Variants in GSG1L observed in about 807,000 individuals in gnomAD.
GSG1L encodes germ cell-specific gene 1-like protein.
Under a neutral mutation model 42.1 loss-of-function variants are expected in GSG1L, and 24 were observed. That is an observed-to-expected ratio of 0.57 (90% confidence interval 0.41 to 0.80). The LOEUF (loss-of-function observed/expected upper bound fraction) is 0.80, where lower values mean the gene tolerates loss of function less well. Among genes scored for constraint, GSG1L ranks in the 30% least tolerant of loss-of-function variants. The pLI is 0.00. For synonymous variants in GSG1L, 215 were observed against 203.5 expected, an observed-to-expected ratio of 1.06 and a Z score of -0.48; for missense variants, 445 against 472.2, an observed-to-expected ratio of 0.94 and a Z score of 0.53.
At chr16:27,927,153 C>T (rs910064459) in intron 2 of GSG1L, among the ~76,000 whole-genome samples, 1 of 151,972 alleles carries the variant, frequency 6.6e-6, no homozygotes, top group Non-Finnish European at 1.5e-5. Flanking sequence ...CTTTTCTTTT[C>T]TTTTTCATTT....
intron 1 of GSG1L, among the ~76,000 whole-genome samples, chr16:28,048,960 C>A (rs1178938947): frequency 6.6e-6 from 1 of 152,086 alleles, no homozygotes. Context: ...GCTAAGCTGG[C>A]AAGACCTGGG....
chr16:27,868,665 A>C (rs1271531072), intron 3 of GSG1L, among the ~76,000 whole-genome samples: 2 of 151,768 alleles, frequency 1.3e-5, no homozygotes, highest in East Asian at 3.9e-4. Flanking sequence ...AAAATATGGG[A>C]GTTTTGGCTT....
Position 28,061,446 on chromosome 16 carries a change from C to T in GSG1L, c.349+1630G>A, listed in dbSNP as rs139579740. ...TATCTCTGACAAACGGCCAGCCTGGCTCAAGTCACAGAAAAGTTTGGTCAG... is the reference window on the plus strand; with the variant it reads ...TATCTCTGACAAACGGCCAGCCTGGTTCAAGTCACAGAAAAGTTTGGTCAG... On this transcript the variant is annotated intron_variant, in intron 1 of 6. Transcript: ENST00000447459. Among the ~76,000 whole-genome samples the T allele has an allele frequency of 8.5e-4, 129 of 152,278 alleles. 4 individuals carry two copies. The East Asian group carries it at 0.018, about 21-fold the overall frequency.
chr16:27,888,963 TATAGATATAG>T (rs1330140870), intron 2 of GSG1L, among the ~76,000 whole-genome samples: 1 of 148,848 alleles, frequency 6.7e-6, no homozygotes, highest in Non-Finnish European at 1.5e-5. Context: ...TAGATATAGA[TATAGATATAG>T]ATAGATATAC....
At chr16:27,904,330 A>G (rs2084295370) in intron 2 of GSG1L, among the ~76,000 whole-genome samples, 1 of 152,000 alleles carries the variant, frequency 6.6e-6, no homozygotes, top group South Asian at 2.1e-4. Flanking sequence ...TCAGCCTCCC[A>G]AAGCGCTGGG....
chr16:28,031,437 A>G (rs1483270975), intron 1 of GSG1L, among the ~76,000 whole-genome samples: 1 of 146,594 alleles, frequency 6.8e-6, no homozygotes, highest in Non-Finnish European at 1.5e-5. Flanking sequence ...TTGGCATGGG[A>G]TGATGGGATG....
At chr16:27,859,738 C>G (rs141778264) in intron 3 of GSG1L, among the ~76,000 whole-genome samples, 2 of 152,320 alleles carry the variant, frequency 1.3e-5, no homozygotes, top group African/African-American at 2.4e-5. Flanking sequence ...TGCAGTGGCA[C>G]GATCATAGCT....
chr16:28,053,563 A>G (rs2086243011), intron 1 of GSG1L, among the ~76,000 whole-genome samples: 1 of 152,076 alleles, frequency 6.6e-6, no homozygotes, highest in East Asian at 1.9e-4. Context: ...GGCCTCAAGG[A>G]GTCACTTCCC....
At chr16:27,821,092 C>T (rs982311873) in intron 5 of GSG1L, among the ~76,000 whole-genome samples, 1 of 152,132 alleles carries the variant, frequency 6.6e-6, no homozygotes, top group East Asian at 1.9e-4. Flanking sequence ...ATACCTCCCA[C>T]TGGGACTGGC....
At chr16:28,015,611 A>C (rs2085771697) in intron 1 of GSG1L, among the ~76,000 whole-genome samples, 1 of 152,240 alleles carries the variant, frequency 6.6e-6, no homozygotes, top group African/African-American at 2.4e-5. Flanking sequence ...ATCCTGCTAT[A>C]AGGCAGGCTC....
chr16:27,898,390 A>T (rs906875213), intron 2 of GSG1L, among the ~76,000 whole-genome samples: 2 of 120,460 alleles, frequency 1.7e-5, no homozygotes, highest in African/African-American at 6.4e-5. Context: ...AAGTCCTCTC[A>T]TCTCTCCAGG....
chr16:27,975,740 C>T (rs2085243640), intron 1 of GSG1L, among the ~76,000 whole-genome samples: 1 of 152,130 alleles, frequency 6.6e-6, no homozygotes, highest in Admixed American at 6.6e-5. Context: ...CCCAAAAGTA[C>T]ACTTCTCTTC....
chr16:28,009,344 C>T (rs1250786893), intron 1 of GSG1L, among the ~76,000 whole-genome samples: 1 of 151,950 alleles, frequency 6.6e-6, no homozygotes, highest in African/African-American at 2.4e-5. Context: ...CTTCCTGACC[C>T]CCCATTATAA....
chr16:27,979,733 A>AG (rs768837828), intron 1 of GSG1L, among the ~76,000 whole-genome samples: 1 of 65,326 alleles, frequency 1.5e-5, no homozygotes, highest in African/African-American at 5.7e-5. Flanking sequence ...GAAGGAAAGA[A>AG]AAAGAAAGAA....
chr16:27,869,491 TTCTCTCTC>T (rs202144280), intron 3 of GSG1L, among the ~76,000 whole-genome samples: 1 of 132,142 alleles, frequency 7.6e-6, no homozygotes, highest in African/African-American at 2.9e-5. Flanking sequence ...CTCTCTCTCC[TTCTCTCTC>T]TCTCTGTCTC....
intron 1 of GSG1L, among the ~76,000 whole-genome samples, chr16:28,030,970 G>A (rs1806711221): frequency 1.4e-5 from 2 of 147,500 alleles, no homozygotes; most frequent in African/African-American, 2.5e-5. Flanking sequence ...GGATGGGATG[G>A]GTTGGGATGG....
intron 1 of GSG1L, among the ~76,000 whole-genome samples, chr16:27,969,433 A>T (rs535456012): frequency 6.6e-6 from 1 of 152,224 alleles, no homozygotes; most frequent in African/African-American, 2.4e-5. Flanking sequence ...ACAAGACATG[A>T]AATGCCATTT....
At position 27,928,869 on chromosome 16, in the gene GSG1L, G is replaced by A. The variant is rs79241301; in HGVS notation, c.397+34287C>T. 3.8e-3 allele frequency among the ~76,000 whole-genome samples: 575 copies of A among 152,308 alleles called. 4 individuals carry two copies. The highest frequency in any genetic ancestry group is 0.013 in the African/African-American group (544 of 41,570). On this transcript the variant is annotated intron_variant, in intron 2 of 6. Coordinates refer to ENST00000447459, the MANE Select transcript of GSG1L (RefSeq NM_001109763.2). ...GCTTAGAGTCTGGCTAAGGATTTCT[G>A]TCCCTCTTTGCTTCCCTCCTTACAA...
At chr16:27,803,820 T>C (rs1428190849) in intron 6 of GSG1L, among the ~76,000 whole-genome samples, 1 of 148,470 alleles carries the variant, frequency 6.7e-6, no homozygotes, top group Non-Finnish European at 1.5e-5. Context: ...GATATAGATA[T>C]AGATATAGAT....
Sources: allele counts gnomAD v4.1 joint callset (sites outside exome capture counted in the v4.1 genomes callset), GRCh38; gene constraint gnomAD v4.1.1; transcripts MANE v1.5; gene names NCBI Gene and HGNC (gene_info 2026-07-23, HGNC 2026-07-21).